SNX29: variants seen among roughly 807,000 people sequenced by gnomAD.
The protein encoded by SNX29 is sorting nexin-29.
In SNX29, 78 loss-of-function variants were observed where a neutral mutation model predicts 102.1. The observed-to-expected ratio is 0.76, with a 90% CI of 0.64 to 0.92. The LOEUF is 0.92. Among genes scored for constraint, SNX29 ranks in the 40% least tolerant of loss-of-function variants. The pLI, the probability that SNX29 is intolerant of heterozygous loss-of-function variation, is 0.00. For missense variants in SNX29, 1,280 were observed against 1,061.7 expected (o/e 1.21, Z -2.86); for synonymous variants, 580 against 414.5 (o/e 1.40, Z -4.85).
At chr16:12,548,387 C>A (rs1007939840) in intron 20 of SNX29, among the ~76,000 whole-genome samples, 1 of 152,208 alleles carries the variant, frequency 6.6e-6, no homozygotes, top group South Asian at 2.1e-4. Flanking sequence ...CCCACACCTT[C>A]TAAGGTCTCC....
rs185484535 is a variant in SNX29 at position 12,573,476 on chromosome 16, C to T, written c.*4847C>T. 19 of 224,366 alleles carry T rather than the reference C, an allele frequency of 8.5e-5. No homozygotes were observed. The highest frequency in any genetic ancestry group is 1.8e-4 in the African/African-American group (8 of 44,986). 13.9% of individuals were successfully genotyped at this position (224,366 alleles called of 1,614,324 possible). Reference sequence around the variant, plus strand: ...TGACATTAAGGAGCAGCGCTGCTGGCGGAAGATTCTAGATTCACTGGTGGT... The same window carrying T: ...TGACATTAAGGAGCAGCGCTGCTGGTGGAAGATTCTAGATTCACTGGTGGT... On this transcript the variant is annotated 3_prime_UTR_variant, in exon 21 of 21. Coordinates refer to ENST00000566228, the MANE Select transcript of SNX29 (RefSeq NM_032167.5).
intron 20 of SNX29, among the ~76,000 whole-genome samples, chr16:12,543,475 A>G (rs867064205): frequency 6.6e-6 from 1 of 152,206 alleles, no homozygotes; most frequent in African/African-American, 2.4e-5. Context: ...AACAGCTGTC[A>G]GTAAAGCCAC....
At chr16:12,023,759 G>T (rs150426887) in intron 3 of SNX29, among the ~76,000 whole-genome samples, 2 of 152,166 alleles carry the variant, frequency 1.3e-5, no homozygotes, top group Non-Finnish European at 2.9e-5. Flanking sequence ...GTATGACATA[G>T]TGCTTCCAAG....
intron 20 of SNX29, among the ~76,000 whole-genome samples, chr16:12,554,401 ATCG>A (rs1567187439): frequency 6.6e-6 from 1 of 152,110 alleles, no homozygotes; most frequent in African/African-American, 2.4e-5. Context: ...ATGGGTGTGC[ATCG>A]TCTTCTGTAA....
intron 14 of SNX29, among the ~76,000 whole-genome samples, chr16:12,269,253 G>A (rs2079021964): frequency 2.6e-5 from 4 of 152,174 alleles, no homozygotes. Flanking sequence ...GTAGACTGCG[G>A]ATTTTTCCCG....
At chr16:12,548,967 A>G (rs1157038307) in intron 20 of SNX29, among the ~76,000 whole-genome samples, 1 of 152,214 alleles carries the variant, frequency 6.6e-6, no homozygotes, top group Non-Finnish European at 1.5e-5. Flanking sequence ...AAGCAACAGC[A>G]CAAGTGAGGC....
At chr16:12,209,697 G>A (rs1487667492) in intron 14 of SNX29, among the ~76,000 whole-genome samples, 3 of 152,206 alleles carry the variant, frequency 2.0e-5, no homozygotes, top group African/African-American at 7.2e-5. Context: ...CGTGAGACCA[G>A]CAGTGGCCCC....
intron 19 of SNX29, among the ~76,000 whole-genome samples, chr16:12,495,965 A>G (rs897359930): frequency 2.0e-5 from 3 of 152,134 alleles, no homozygotes; most frequent in Non-Finnish European, 4.4e-5. Flanking sequence ...GTAGAATCTC[A>G]TGAACTCAGG....
intron 20 of SNX29, among the ~76,000 whole-genome samples, chr16:12,558,508 G>A (rs1221890225): frequency 6.6e-6 from 1 of 152,188 alleles, no homozygotes; most frequent in East Asian, 1.9e-4. Context: ...TTTTTAATGA[G>A]CACTGTTTAC....
At chr16:12,431,701 T>C (rs937313770) in intron 18 of SNX29, among the ~76,000 whole-genome samples, 10 of 152,192 alleles carry the variant, frequency 6.6e-5, no homozygotes, top group African/African-American at 2.4e-4. Context: ...GAAGAAAACT[T>C]CTGCTTCAGA....
chr16:12,569,631 C>T lies in SNX29; in HGVS notation c.*1002C>T, dbSNP rs918218224. On this transcript the variant is annotated 3_prime_UTR_variant, in exon 21 of 21. Coordinates refer to ENST00000566228, the MANE Select transcript of SNX29 (RefSeq NM_032167.5). Reference sequence around the variant, plus strand: ...GTCCTTGATAACAGAACTCTGCATCCCCTAAGACAGAGTCCTCTGTTCCTC... The same window carrying T: ...GTCCTTGATAACAGAACTCTGCATCTCCTAAGACAGAGTCCTCTGTTCCTC... 6 of 170,860 alleles carry T rather than the reference C, an allele frequency of 3.5e-5. No homozygotes were observed. The highest frequency in any genetic ancestry group is 2.0e-4 in the African/African-American group (5 of 25,044). 10.6% of individuals were successfully genotyped at this position (170,860 alleles called of 1,614,324 possible).
At chr16:12,005,823 C>A (rs2056433108) in intron 3 of SNX29, among the ~76,000 whole-genome samples, 1 of 152,164 alleles carries the variant, frequency 6.6e-6, no homozygotes, top group African/African-American at 2.4e-5. Flanking sequence ...GCGTGCCTAA[C>A]TGTTAAGTAT....
At chr16:12,009,787 T>C (rs950951756) in intron 3 of SNX29, among the ~76,000 whole-genome samples, 2 of 152,212 alleles carry the variant, frequency 1.3e-5, no homozygotes, top group Non-Finnish European at 2.9e-5. Flanking sequence ...GAAGAAGCTT[T>C]AAGATATCTT....
intron 18 of SNX29, among the ~76,000 whole-genome samples, chr16:12,445,853 C>T (rs1056302998): frequency 3.9e-5 from 6 of 152,118 alleles, no homozygotes; most frequent in African/African-American, 1.4e-4. Flanking sequence ...CTGCTGCTGC[C>T]CCCATTCTAC....
At chr16:12,561,621 C>G (rs1050268861) in intron 20 of SNX29, among the ~76,000 whole-genome samples, 1 of 152,176 alleles carries the variant, frequency 6.6e-6, no homozygotes, top group East Asian at 1.9e-4. Context: ...CAGTGTACCC[C>G]AAGAGGCTTA....
chr16:12,400,932 C>T (rs375994635), intron 17 of SNX29, among the ~76,000 whole-genome samples: 2 of 152,318 alleles, frequency 1.3e-5, no homozygotes, highest in East Asian at 3.9e-4. Flanking sequence ...ATGCCATTCT[C>T]CTGCTTCAGC....
chr16:12,235,676 G>A (rs1567341777), intron 14 of SNX29, among the ~76,000 whole-genome samples: 2 of 152,008 alleles, frequency 1.3e-5, no homozygotes, highest in East Asian at 1.9e-4. Context: ...AAACCTCTGG[G>A]TAAAAAAAAG....
intron 20 of SNX29, chr16:12,557,613 T>C (rs2078450462): frequency 6.6e-6 from 1 of 152,166 alleles, no homozygotes; most frequent in Non-Finnish European, 1.5e-5. Flanking sequence ...CCATTCTCCT[T>C]GGCATCCCAG....
At chr16:12,533,541 C>G (rs767500748) in intron 20 of SNX29, among the ~76,000 whole-genome samples, 2 of 152,198 alleles carry the variant, frequency 1.3e-5, no homozygotes, top group Non-Finnish European at 2.9e-5. Flanking sequence ...GCCTTTTGTC[C>G]TCATTTCTTA....
Sources: allele counts gnomAD v4.1 joint callset (sites outside exome capture counted in the v4.1 genomes callset), GRCh38; gene constraint gnomAD v4.1.1; transcripts MANE v1.5; gene names NCBI Gene and HGNC (gene_info 2026-07-23, HGNC 2026-07-21).